The following MTHFD1L variants were observed in gnomAD, a reference collection of about 807,000 sequenced individuals.
MTHFD1L encodes monofunctional C1-tetrahydrofolate synthase, mitochondrial.
Under a neutral mutation model 119.5 loss-of-function variants are expected in MTHFD1L, and 81 were observed. The ratio of observed to expected loss-of-function variants is 0.68; its 90% confidence interval spans 0.57 to 0.82. MTHFD1L has a LOEUF of 0.82. Ranked by LOEUF, MTHFD1L falls within the 40% of genes least tolerant of loss-of-function variation. The pLI, the probability that MTHFD1L is intolerant of heterozygous loss-of-function variation, is 0.00. For synonymous variants in MTHFD1L, 430 were observed against 475.2 expected, an observed-to-expected ratio of 0.90 and a Z score of 1.24; for missense variants, 1,125 against 1,253.4, an observed-to-expected ratio of 0.90 and a Z score of 1.55.
chr6:151,046,455 T>C (rs1356227029), intron 26 of MTHFD1L, among the ~76,000 whole-genome samples: 2 of 140,418 alleles, frequency 1.4e-5, no homozygotes, highest in Non-Finnish European at 3.0e-5. Flanking sequence ...TATATATATA[T>C]ATAATATGTG....
At chr6:150,866,129 T>TGGGGAGC (rs1178288520) in intron 1 of MTHFD1L, 80 bp downstream of exon 1, 3 of 1,437,024 alleles carry the variant, frequency 2.1e-6, no homozygotes, top group Non-Finnish European at 2.7e-6. Flanking sequence ...GGGACCGCCG[T>TGGGGAGC]GGGGAGCGGG....
intron 7 of MTHFD1L, among the ~76,000 whole-genome samples, chr6:150,897,829 C>T (rs1026798665): frequency 6.6e-6 from 1 of 151,996 alleles, no homozygotes; most frequent in Non-Finnish European, 1.5e-5. Context: ...TTTTTAAGGT[C>T]GTGGAATTAG....
chr6:150,910,832 A>G, intron 8 of MTHFD1L, among the ~76,000 whole-genome samples: 1 of 152,186 alleles, frequency 6.6e-6, no homozygotes, highest in Non-Finnish European at 1.5e-5. Flanking sequence ...CCATCTTGGC[A>G]CAATATACAT....
At chr6:151,076,644 C>CT (rs1655536880) in intron 26 of MTHFD1L, among the ~76,000 whole-genome samples, 1 of 134,634 alleles carries the variant, frequency 7.4e-6, no homozygotes, top group African/African-American at 2.8e-5. Flanking sequence ...GAGTGATACT[C>CT]TGTCTAAAAA....
At chr6:151,063,042 A>T (rs1042842061) in intron 26 of MTHFD1L, among the ~76,000 whole-genome samples, 1 of 152,168 alleles carries the variant, frequency 6.6e-6, no homozygotes, top group Non-Finnish European at 1.5e-5. Context: ...ATAAAAAAAA[A>T]AATTAAAGAA....
At chr6:151,088,895 C>T (rs375875151) in intron 26 of MTHFD1L, among the ~76,000 whole-genome samples, 35 of 152,264 alleles carry the variant, frequency 2.3e-4, no homozygotes, top group African/African-American at 7.2e-4. Context: ...TAGTTAAAGG[C>T]GGAGAATTGG....
chr6:150,903,829 T>G (rs1785459045), intron 7 of MTHFD1L, among the ~76,000 whole-genome samples: 2 of 152,256 alleles, frequency 1.3e-5, no homozygotes, highest in African/African-American at 2.4e-5. Context: ...GAATACTGTT[T>G]GGCTTATTAA....
intron 19 of MTHFD1L, among the ~76,000 whole-genome samples, chr6:150,965,656 G>A (rs1487101849): frequency 3.2e-5 from 3 of 92,570 alleles, no homozygotes; most frequent in East Asian, 4.6e-4. Context: ...GCGAGACTCC[G>A]TCTGAAAAAA....
At chr6:151,000,127 CAA>C (rs1330824514) in intron 20 of MTHFD1L, among the ~76,000 whole-genome samples, 1 of 152,096 alleles carries the variant, frequency 6.6e-6, no homozygotes, top group African/African-American at 2.4e-5. Context: ...ATCACGAGGT[CAA>C]GACATTGAGA....
intron 26 of MTHFD1L, among the ~76,000 whole-genome samples, chr6:151,048,180 T>C (rs1472711205): frequency 6.6e-6 from 1 of 152,134 alleles, no homozygotes; most frequent in Non-Finnish European, 1.5e-5. Context: ...AGCACATGCC[T>C]TTCCCAGGAC....
rs9397376 is a variant in MTHFD1L at position 151,096,899 on chromosome 6, C to G, written c.*31+4312C>G. Among the ~76,000 whole-genome samples the G allele has an allele frequency of 2.1e-3, 321 of 152,280 alleles. 6 individuals carry two copies. The East Asian group carries it at 0.056, about 27-fold the overall frequency. On this transcript the variant is annotated intron_variant, in intron 27 of 27. Coordinates refer to ENST00000367321, the MANE Select transcript of MTHFD1L (RefSeq NM_015440.5). Reference sequence around the variant, plus strand: ...CATCAGAATTGGAGCTCTCCTTGCTCCCTCTTCCCAAGACTTCTCTGTAGT... The same window carrying G: ...CATCAGAATTGGAGCTCTCCTTGCTGCCTCTTCCCAAGACTTCTCTGTAGT...
In MTHFD1L at chr6:150,951,033, G is replaced by GTTT. The variant is rs562283052; in HGVS notation, c.1726+1908_1726+1910dup. Among the ~76,000 whole-genome samples, 61 of 125,952 alleles carry GTTT rather than the reference G, an allele frequency of 4.8e-4. 10 individuals carry two copies. Among genetic ancestry groups the GTTT allele is most frequent in the Non-Finnish European group, 3.6e-4 (21 of 58,698 alleles). The allele number at this position is 125,952 out of a possible 152,430, so 82.6% of individuals were successfully genotyped here. A position where few individuals can be genotyped will look rare whatever the true frequency, so the allele number is the denominator to read the frequency against. Reference sequence around the variant, plus strand: ...CTAAAATCTCCTTGGAAACTTTATGGTTTTTTTTTTGTTTTTTTTTTGAGA... The same window carrying GTTT: ...CTAAAATCTCCTTGGAAACTTTATGGTTTTTTTTTTTTTGTTTTTTTTTTGAGA... On this transcript the variant is annotated intron_variant, in intron 16 of 27. Coordinates refer to ENST00000367321, the MANE Select transcript of MTHFD1L (RefSeq NM_015440.5).
intron 4 of MTHFD1L, among the ~76,000 whole-genome samples, chr6:150,881,103 T>C (rs1184145672): frequency 6.6e-6 from 1 of 152,230 alleles, no homozygotes; most frequent in Non-Finnish European, 1.5e-5. Context: ...ATAATCCCAC[T>C]GATGTATTTT....
chr6:151,096,652 C>T (rs997776696), intron 27 of MTHFD1L, among the ~76,000 whole-genome samples: 2 of 152,202 alleles, frequency 1.3e-5, no homozygotes, highest in Admixed American at 6.5e-5. Context: ...GGCTTGCTGA[C>T]GTTGCTCCTT....
chr6:151,030,356 C>G (rs1659322140), intron 24 of MTHFD1L, among the ~76,000 whole-genome samples: 1 of 152,230 alleles, frequency 6.6e-6, no homozygotes, highest in Non-Finnish European at 1.5e-5. Flanking sequence ...GGAACATTGC[C>G]TGCTTCCCAA....
At chr6:150,952,359 C>T (rs1331668679) in intron 16 of MTHFD1L, among the ~76,000 whole-genome samples, 3 of 152,140 alleles carry the variant, frequency 2.0e-5, no homozygotes, top group African/African-American at 7.2e-5. Flanking sequence ...TGGCTTAAAC[C>T]TAGAACTAAT....
chr6:151,020,594 A>G (rs1783811741), intron 24 of MTHFD1L, among the ~76,000 whole-genome samples: 1 of 152,214 alleles, frequency 6.6e-6, no homozygotes, highest in Admixed American at 6.5e-5. Flanking sequence ...AAGATTGAAA[A>G]ATATGGAATA....
intron 26 of MTHFD1L, among the ~76,000 whole-genome samples, chr6:151,080,737 C>A (rs1438541312): frequency 6.6e-6 from 1 of 152,192 alleles, no homozygotes; most frequent in African/African-American, 2.4e-5. Flanking sequence ...GATCAGGGTG[C>A]TGGCAGGGCT....
intron 20 of MTHFD1L, among the ~76,000 whole-genome samples, chr6:150,986,550 G>A (rs1778324086): frequency 6.6e-6 from 1 of 152,208 alleles, no homozygotes; most frequent in African/African-American, 2.4e-5. Context: ...TACATGCGCA[G>A]TTCACAGTAG....
Sources: gnomAD v4.1 joint callset for allele counts (sites outside exome capture counted in the v4.1 genomes callset) on GRCh38, gnomAD v4.1.1 for gene constraint, MANE v1.5 for transcripts, NCBI Gene and HGNC (gene_info 2026-07-23, HGNC 2026-07-21) for gene names.